The following GPR39 variants were observed in gnomAD, a reference collection of about 807,000 sequenced individuals.
GPR39 encodes G protein-coupled receptor 39, also known as zinc sensing receptor.
Under a neutral mutation model 18.4 loss-of-function variants are expected in GPR39, and 23 were observed. The ratio of observed to expected loss-of-function variants is 1.25; its 90% CI spans 0.90 to 1.77. The LOEUF is 1.77. GPR39 is among the 40% of genes most tolerant of loss of function. The pLI is 0.00. For missense variants in GPR39, 647 were observed against 602.4 expected (o/e 1.07, Z -0.78); for synonymous variants, 280 against 257.9 (o/e 1.09, Z -0.82).
chr2:132,611,182 A>G (rs1361462510), intron 1 of GPR39, among the ~76,000 whole-genome samples: 1 of 152,242 alleles, frequency 6.6e-6, no homozygotes, highest in African/African-American at 2.4e-5. Context: ...AACACAGTGC[A>G]GGAAAATTTG....
At chr2:132,486,877 G>T (rs1681350684) in intron 1 of GPR39, among the ~76,000 whole-genome samples, 1 of 152,148 alleles carries the variant, frequency 6.6e-6, no homozygotes, top group Non-Finnish European at 1.5e-5. Context: ...TCACAGCTTG[G>T]CTAACTTTTT....
chr2:132,467,058 G>A (rs1311801506), intron 1 of GPR39, among the ~76,000 whole-genome samples: 1 of 152,162 alleles, frequency 6.6e-6, no homozygotes, highest in Non-Finnish European at 1.5e-5. Flanking sequence ...GGAGTTGTAG[G>A]CAGTGAAGAA....
At chr2:132,567,768 A>G (rs1304646971) in intron 1 of GPR39, among the ~76,000 whole-genome samples, 1 of 152,134 alleles carries the variant, frequency 6.6e-6, no homozygotes, top group Admixed American at 6.5e-5. Flanking sequence ...ACACCTGAAA[A>G]GTTCTTTAAA....
At chr2:132,544,890 T>A (rs542947770) in intron 1 of GPR39, among the ~76,000 whole-genome samples, 1 of 152,278 alleles carries the variant, frequency 6.6e-6, no homozygotes, top group Non-Finnish European at 1.5e-5. Flanking sequence ...TTTGTGAGTA[T>A]GTGAAAGAGG....
At chr2:132,477,969 A>T in intron 1 of GPR39, among the ~76,000 whole-genome samples, 1 of 152,242 alleles carries the variant, frequency 6.6e-6, no homozygotes, top group Non-Finnish European at 1.5e-5. Flanking sequence ...TACTAATTTA[A>T]AATCAATACC....
In GPR39 at chr2:132,646,423, T is replaced by A. The variant is rs1573721736; in HGVS notation, c.*817T>A. Reference sequence around the variant, plus strand: ...GGTGAGGTCAGGGAAGTGCTTCGGATTGTCTCATTGATATTCAAGATAGAT... The same window carrying A: ...GGTGAGGTCAGGGAAGTGCTTCGGAATGTCTCATTGATATTCAAGATAGAT... On this transcript the variant is annotated 3_prime_UTR_variant, in exon 2 of 2. Transcript: ENST00000329321. 1.1e-5 allele frequency: 5 copies of A among 436,708 alleles called. No individual in the cohort carries two copies. The East Asian group carries it at 1.8e-4, about 15-fold the overall frequency. 27.1% of individuals were successfully genotyped at this position (436,708 alleles called of 1,614,324 possible). A position where few individuals can be genotyped will look rare whatever the true frequency, so the allele number is the denominator to read the frequency against.
At chr2:132,426,362 CAGAA>C (rs1680117844) in intron 1 of GPR39, among the ~76,000 whole-genome samples, 1 of 152,220 alleles carries the variant, frequency 6.6e-6, no homozygotes, top group African/African-American at 2.4e-5. Flanking sequence ...CCTTGATAGT[CAGAA>C]AGGAAAACAG....
At chr2:132,623,235 G>A (rs951408141) in intron 1 of GPR39, among the ~76,000 whole-genome samples, 3 of 152,182 alleles carry the variant, frequency 2.0e-5, no homozygotes, top group Non-Finnish European at 2.9e-5. Flanking sequence ...AAGCCCCAGA[G>A]AGGCAGTGGA....
intron 1 of GPR39, among the ~76,000 whole-genome samples, chr2:132,562,533 A>G (rs1200028294): frequency 6.6e-6 from 1 of 152,106 alleles, no homozygotes; most frequent in Non-Finnish European, 1.5e-5. Context: ...CCAGAATGCA[A>G]TCTGTCCCCA....
intron 1 of GPR39, among the ~76,000 whole-genome samples, chr2:132,485,327 C>T (rs1332795522): frequency 2.6e-5 from 4 of 152,206 alleles, no homozygotes; most frequent in Admixed American, 2.6e-4. Flanking sequence ...TTGTTGACTG[C>T]TGACCAGTCA....
chr2:132,626,738 A>T (rs1681550845), intron 1 of GPR39, among the ~76,000 whole-genome samples: 1 of 152,154 alleles, frequency 6.6e-6, no homozygotes, highest in Non-Finnish European at 1.5e-5. Context: ...AAGTGATGTT[A>T]CCTTAGGAGG....
intron 1 of GPR39, among the ~76,000 whole-genome samples, chr2:132,631,512 G>A (rs1230945640): frequency 6.6e-6 from 1 of 152,168 alleles, no homozygotes; most frequent in East Asian, 1.9e-4. Flanking sequence ...GAGCTTTACT[G>A]ATTTCTGTTG....
At chr2:132,516,544 A>T (rs979069333) in intron 1 of GPR39, among the ~76,000 whole-genome samples, 1 of 152,222 alleles carries the variant, frequency 6.6e-6, no homozygotes, top group Non-Finnish European at 1.5e-5. Flanking sequence ...AGAACATACA[A>T]TGTCAGTGGG....
At chr2:132,448,894 C>T (rs899618386) in intron 1 of GPR39, among the ~76,000 whole-genome samples, 1 of 152,194 alleles carries the variant, frequency 6.6e-6, no homozygotes, top group African/African-American at 2.4e-5. Flanking sequence ...CAGCCCCAGA[C>T]ATCTTTTTGG....
intron 1 of GPR39, among the ~76,000 whole-genome samples, chr2:132,555,474 C>T (rs538085881): frequency 2.0e-4 from 30 of 152,270 alleles, no homozygotes; most frequent in Admixed American, 1.5e-3. Flanking sequence ...GGTGCACTCA[C>T]GCAACTGGCA....
rs777909907 is a variant in GPR39 at position 132,645,402 on chromosome 2, C to G, written c.1158C>G (p.Arg386=). 1 of 1,613,704 alleles carries G rather than the reference C, an allele frequency of 6.2e-7. No individual in the cohort carries two copies. Among genetic ancestry groups the G allele is most frequent in the South Asian group, 1.1e-5 (1 of 91,066 alleles). Residue 386 remains arginine, a synonymous_variant, in exon 2 of 2, where the codon CGC becomes CGG. Transcript: ENST00000329321. ...CGCACTCCACCACCGACAGCGCCCGCTTTGTGCAGCGCCCGTTGCTCTTCG... is the reference window on the plus strand; with the variant it reads ...CGCACTCCACCACCGACAGCGCCCGGTTTGTGCAGCGCCCGTTGCTCTTCG... ...VHAHSTTDSA[R]FVQRPLLFAS...
At chr2:132,625,428 T>A (rs1177112615) in intron 1 of GPR39, among the ~76,000 whole-genome samples, 1 of 152,162 alleles carries the variant, frequency 6.6e-6, no homozygotes. Flanking sequence ...GGAGTCAAAG[T>A]GGGGAGTTGT....
At chr2:132,498,726 A>G (rs1681696086) in intron 1 of GPR39, among the ~76,000 whole-genome samples, 1 of 152,028 alleles carries the variant, frequency 6.6e-6, no homozygotes, top group African/African-American at 2.4e-5. Flanking sequence ...CTGCATCCCC[A>G]CCAATACCTA....
chr2:132,480,324 T>C (rs1028356446), intron 1 of GPR39, among the ~76,000 whole-genome samples: 1 of 152,188 alleles, frequency 6.6e-6, no homozygotes, highest in African/African-American at 2.4e-5. Flanking sequence ...GAAAAATTTC[T>C]GGAGCTCTGT....
Sources: allele counts gnomAD v4.1 joint callset (sites outside exome capture counted in the v4.1 genomes callset), GRCh38; gene constraint gnomAD v4.1.1; transcripts MANE v1.5; gene names NCBI Gene and HGNC (gene_info 2026-07-23, HGNC 2026-07-21).